Variants in EPHB1 observed in about 807,000 individuals in gnomAD.
The protein encoded by EPHB1 is ephrin type-B receptor 1.
A neutral mutation model predicts 94.4 loss-of-function variants in EPHB1; 30 were observed. The ratio of observed to expected loss-of-function variants is 0.32; its 90% CI spans 0.24 to 0.43. The LOEUF is 0.43. Ranked by LOEUF, EPHB1 falls within the 20% of genes least tolerant of loss-of-function variation. The pLI, the probability that EPHB1 is intolerant of heterozygous loss-of-function variation, is 1.00. For missense variants in EPHB1, 1,055 were observed against 1,308.3 expected, an observed-to-expected ratio of 0.81 and a Z score of 2.99; for synonymous variants, 522 against 489.1, an observed-to-expected ratio of 1.07 and a Z score of -0.89.
At chr3:134,906,088 C>G (rs1023998427) in intron 1 of EPHB1, among the ~76,000 whole-genome samples, 2 of 152,204 alleles carry the variant, frequency 1.3e-5, no homozygotes, top group South Asian at 4.1e-4. Flanking sequence ...TCTACAGAAA[C>G]CCAGCTGACA....
intron 3 of EPHB1, among the ~76,000 whole-genome samples, chr3:135,100,841 T>C (rs912511211): frequency 6.6e-6 from 1 of 152,100 alleles, no homozygotes; most frequent in Non-Finnish European, 1.5e-5. Context: ...GGGAGGCAAA[T>C]GTGTGTTTTG....
intron 1 of EPHB1, among the ~76,000 whole-genome samples, chr3:134,909,193 C>T (rs1387605365): frequency 6.6e-6 from 1 of 151,902 alleles, no homozygotes; most frequent in South Asian, 2.1e-4. Context: ...AGGTCCTGGC[C>T]TCTCATAATC....
At chr3:135,181,087 C>T (rs554829151) in intron 10 of EPHB1, among the ~76,000 whole-genome samples, 9 of 152,196 alleles carry the variant, frequency 5.9e-5, no homozygotes, top group African/African-American at 1.2e-4. Flanking sequence ...TCTTTCTGTT[C>T]ACTGCTCTCT....
intron 12 of EPHB1, among the ~76,000 whole-genome samples, chr3:135,206,113 G>A (rs1358440247): frequency 1.3e-5 from 2 of 152,166 alleles, no homozygotes; most frequent in Non-Finnish European, 2.9e-5. Context: ...TCATATAAGT[G>A]GAATCATACA....
chr3:134,901,130 C>T (rs2038194754), intron 1 of EPHB1, among the ~76,000 whole-genome samples: 1 of 151,970 alleles, frequency 6.6e-6, no homozygotes, highest in African/African-American at 2.4e-5. Context: ...TTAATATGTA[C>T]ATATTTTCTT....
chr3:135,022,404 G>T lies in EPHB1; in HGVS notation c.805+70352G>T, dbSNP rs190261228. ...CTAACTTCATAAAATGAACTAGACA[G>T]AATTTTATATTTTTTAATTCATGAG... On this transcript the variant is annotated intron_variant, in intron 3 of 15. Transcript: ENST00000398015. Among the ~76,000 whole-genome samples, 300 of 152,260 alleles carry T rather than the reference G, an allele frequency of 2.0e-3. 1 individual carries two copies. Among genetic ancestry groups the T allele is most frequent in the African/African-American group, 6.8e-3 (282 of 41,558 alleles).
intron 1 of EPHB1, among the ~76,000 whole-genome samples, chr3:134,810,192 A>G (rs1243081824): frequency 6.6e-6 from 1 of 152,136 alleles, no homozygotes; most frequent in Non-Finnish European, 1.5e-5. Context: ...GAGTATGCAA[A>G]TATGTATATC....
intron 12 of EPHB1, among the ~76,000 whole-genome samples, chr3:135,239,359 A>G (rs540430723): frequency 1.3e-5 from 2 of 151,842 alleles, no homozygotes; most frequent in Non-Finnish European, 2.9e-5. Context: ...TCAACCATGT[A>G]TCTTTGGTGA....
At chr3:134,796,632 C>T (rs558990952) in intron 1 of EPHB1, among the ~76,000 whole-genome samples, 5 of 152,386 alleles carry the variant, frequency 3.3e-5, no homozygotes, top group Admixed American at 1.3e-4. Context: ...CCCCGCCTCC[C>T]GCCCCTTCCC....
rs1178166247 is a variant in EPHB1, at chr3:134,925,773, A to G, written c.59-43A>G. 3.3e-6 allele frequency: 5 copies of G among 1,513,742 alleles called. No individual in the cohort carries two copies. The East Asian group carries it at 1.2e-4, about 37-fold the overall frequency. 93.8% of individuals were successfully genotyped at this position (1,513,742 alleles called of 1,614,324 possible). A position where few individuals can be genotyped will look rare whatever the true frequency, so the allele number is the denominator to read the frequency against. ...GGGCCACTGTATAGCAATCCTTCTG[A>G]CTCATTGTTTTTGTTTATTCGTTTT... is the stretch of plus-strand genomic sequence containing the variant. On this transcript the variant is annotated intron_variant, in intron 1 of 15. Coordinates refer to ENST00000398015, the MANE Select transcript of EPHB1 (RefSeq NM_004441.5).
chr3:135,131,242 A>G (rs778088784), intron 4 of EPHB1, among the ~76,000 whole-genome samples: 23 of 152,170 alleles, frequency 1.5e-4, no homozygotes, highest in South Asian at 4.1e-4. Context: ...TATATGGTAC[A>G]GTACTGATTT....
chr3:134,922,826 G>A (rs1307996419), intron 1 of EPHB1, among the ~76,000 whole-genome samples: 1 of 152,182 alleles, frequency 6.6e-6, no homozygotes, highest in Non-Finnish European at 1.5e-5. Flanking sequence ...ATTTGAGGCT[G>A]TTGGTGTCAG....
At position 134,874,923 on chromosome 3, in the gene EPHB1, A is replaced by C. The variant is rs142613524; in HGVS notation, c.59-50893A>C. On this transcript the variant is annotated intron_variant, in intron 1 of 15. Transcript: ENST00000398015. ...CATACCAGGCGGAGCTTGCATTGCT[A>C]TCCGCCTCTCTCAAGCTCAGAGTCA... is the stretch of plus-strand genomic sequence containing the variant. Among the ~76,000 whole-genome samples the C allele has an allele frequency of 8.9e-3, 1,361 of 152,306 alleles. 21 individuals are homozygous for C. The highest frequency in any genetic ancestry group is 0.027 in the African/African-American group (1,132 of 41,564).
At chr3:134,850,870 G>A (rs1391651369) in intron 1 of EPHB1, among the ~76,000 whole-genome samples, 3 of 152,262 alleles carry the variant, frequency 2.0e-5, no homozygotes, top group Non-Finnish European at 4.4e-5. Context: ...AGCTGGAGCA[G>A]ATCATTCTAA....
intron 1 of EPHB1, among the ~76,000 whole-genome samples, chr3:134,818,333 T>A (rs1311420305): frequency 6.6e-6 from 1 of 152,190 alleles, no homozygotes; most frequent in African/African-American, 2.4e-5. Context: ...TATGACCTTA[T>A]GGTATGTCCA....
intron 3 of EPHB1, among the ~76,000 whole-genome samples, chr3:135,094,729 C>G (rs1165996027): frequency 3.3e-5 from 5 of 152,174 alleles, no homozygotes; most frequent in African/African-American, 1.2e-4. Flanking sequence ...CGTACCTTTC[C>G]TGACCCCTCT....
At position 135,145,348 on chromosome 3, in the gene EPHB1, T is replaced by C. The variant is rs151150194; in HGVS notation, c.1298-8804T>C. Among the ~76,000 whole-genome samples, 196 of 152,342 alleles carry C rather than the reference T, an allele frequency of 1.3e-3. 1 individual carries two copies. The highest frequency in any genetic ancestry group is 0.011 in the Admixed American group (161 of 15,308). ...GTGTTTCATATATTTAAAAAAAAGA[T>C]GGCCAGCCAGCCCAATCCTTCATTC... On this transcript the variant is annotated intron_variant, in intron 5 of 15. Transcript: ENST00000398015.
chr3:135,155,280 A>G (rs1289525934), intron 6 of EPHB1, among the ~76,000 whole-genome samples: 1 of 152,158 alleles, frequency 6.6e-6, no homozygotes, highest in African/African-American at 2.4e-5. Flanking sequence ...AGGGGTAGAG[A>G]TAGGCCTCTT....
chr3:135,161,706 A>C (rs1941511622), intron 6 of EPHB1, among the ~76,000 whole-genome samples: 1 of 152,058 alleles, frequency 6.6e-6, no homozygotes, highest in Non-Finnish European at 1.5e-5. Context: ...ATGTTATTTC[A>C]CCTCTGAACC....
Sources: gnomAD v4.1 joint callset for allele counts (sites outside exome capture counted in the v4.1 genomes callset) on GRCh38, gnomAD v4.1.1 for gene constraint, MANE v1.5 for transcripts, NCBI Gene and HGNC (gene_info 2026-07-23, HGNC 2026-07-21) for gene names.